The following POT1 variants were observed in gnomAD, a reference collection of about 807,000 sequenced individuals.
POT1 encodes protection of telomeres 1, also known as protection of telomeres protein 1.
In POT1, 47 loss-of-function variants were observed where a neutral mutation model predicts 78.5. That is an observed-to-expected ratio of 0.60 (90% CI 0.47 to 0.76). POT1 has a LOEUF of 0.76. Among genes scored for constraint, POT1 ranks in the 30% least tolerant of loss-of-function variants. The pLI, the probability that POT1 is intolerant of heterozygous loss-of-function variation, is 0.00. For missense variants in POT1, 646 were observed against 749.9 expected, an observed-to-expected ratio of 0.86 and a Z score of 1.62; for synonymous variants, 259 against 260.7, an observed-to-expected ratio of 0.99 and a Z score of 0.06.
At chr7:124,892,967 T>C (rs1796407346) in intron 5 of POT1, among the ~76,000 whole-genome samples, 1 of 151,510 alleles carries the variant, frequency 6.6e-6, no homozygotes, top group Non-Finnish European at 1.5e-5. Flanking sequence ...GAGATATTTT[T>C]AGAAGCCCTG....
At chr7:124,840,890 CTG>C in intron 14 of POT1, 81 bp downstream of exon 14, 1 of 1,120,318 alleles carries the variant, frequency 8.9e-7, no homozygotes, top group Non-Finnish European at 1.3e-6. Flanking sequence ...ACTAGGTTGT[CTG>C]TAAAATGTAT....
intron 2 of POT1, among the ~76,000 whole-genome samples, 145 bp downstream of exon 2, chr7:124,928,664 TGAATAA>T (rs778541102): frequency 3.9e-4 from 60 of 152,340 alleles, no homozygotes; most frequent in African/African-American, 1.4e-3. Context: ...AAATAAGTAC[TGAATAA>T]GAATAACTTA....
At chr7:124,866,402 A>T (rs916534543) in intron 7 of POT1, among the ~76,000 whole-genome samples, 2 of 152,164 alleles carry the variant, frequency 1.3e-5, no homozygotes, top group African/African-American at 4.8e-5. Flanking sequence ...GACTTCCAGC[A>T]CCCCATTACT....
Position 124,863,158 on chromosome 7 carries a change from GGAAA to G in POT1, c.546+188_546+191del, listed in dbSNP as rs942761637. Among the ~76,000 whole-genome samples, 24 of 151,830 alleles carry G rather than the reference GGAAA, an allele frequency of 1.6e-4. 1 individual carries two copies. The highest frequency in any genetic ancestry group is 2.4e-4 in the Non-Finnish European group (16 of 67,886). On this transcript the variant is annotated intron_variant, in intron 8 of 18. Transcript: ENST00000357628. ...CTAATAACACTATATTTCTCTGGAA[GGAAA>G]GTGTAAAATTTTAGAGAGGTACAAG...
intron 2 of POT1, among the ~76,000 whole-genome samples, chr7:124,921,528 C>CAAAT (rs10674906): frequency 0.6 from 90,843 of 151,398 alleles, 27,344 homozygotes; most frequent in African/African-American, 0.65. Flanking sequence ...GTGTAACAAA[C>CAAAT]GTCTATACGA....
Position 124,851,961 on chromosome 7 carries a change from A to G in POT1, c.870-10T>C, listed in dbSNP as rs752113594. ...TGCAGATTCTAAATCCCTATAATTGAAAGAATACAATTTCAAATTGCATAA... is the reference window on the plus strand; with the variant it reads ...TGCAGATTCTAAATCCCTATAATTGGAAGAATACAATTTCAAATTGCATAA... On this transcript the variant is annotated splice_polypyrimidine_tract_variant and intron_variant, in intron 10 of 18. Transcript: ENST00000357628. The G allele has an allele frequency of 6.4e-7, 1 of 1,564,078 alleles. No homozygotes were observed. The highest frequency in any genetic ancestry group is 8.8e-7 in the Non-Finnish European group (1 of 1,136,598).
intron 8 of POT1, among the ~76,000 whole-genome samples, chr7:124,862,226 T>C (rs185647440): frequency 6.6e-6 from 1 of 152,314 alleles, no homozygotes; most frequent in Non-Finnish European, 1.5e-5. Flanking sequence ...TAGACTCAAC[T>C]ATTTCAGCTA....
intron 3 of POT1, among the ~76,000 whole-genome samples, chr7:124,900,128 A>C (rs1335020911): frequency 6.6e-6 from 1 of 152,194 alleles, no homozygotes; most frequent in Non-Finnish European, 1.5e-5. Context: ...TTGAATATAC[A>C]TATAAAAACT....
chr7:124,895,571 T>C (rs1482028116), intron 5 of POT1, among the ~76,000 whole-genome samples: 3 of 151,606 alleles, frequency 2.0e-5, no homozygotes, highest in Non-Finnish European at 4.4e-5. Context: ...CATTCATTCA[T>C]TGATGGGCTA....
chr7:124,846,185 C>CACACACACA (rs1795162290), intron 12 of POT1, among the ~76,000 whole-genome samples: 2 of 48,448 alleles, frequency 4.1e-5, no homozygotes, highest in Non-Finnish European at 9.3e-5. Flanking sequence ...ACACACACAC[C>CACACACACA]CCTATAATAT....
Position 124,870,357 on chromosome 7 carries a change from T to C in POT1, c.255+554A>G, listed in dbSNP as rs1196463104. On this transcript the variant is annotated intron_variant, in intron 7 of 18. Transcript: ENST00000357628. ...TGTGCTATTTAATAACTCTACCCTA[T>C]ATTAAAGGCTTTCTTACATTTAGTT... Among the ~76,000 whole-genome samples the C allele has an allele frequency of 5.3e-5, 8 of 152,102 alleles. No homozygotes were observed. In the South Asian group the frequency reaches 1.5e-3, roughly 28 times the overall value.
At chr7:124,878,232 T>C (rs1796036501) in intron 6 of POT1, among the ~76,000 whole-genome samples, 3 of 151,994 alleles carry the variant, frequency 2.0e-5, no homozygotes, top group South Asian at 4.2e-4. Context: ...TTCAGGAGGC[T>C]GAGGCACAAG....
chr7:124,835,474 C>A lies in POT1; in HGVS notation c.1370-60G>T, dbSNP rs1481183590. The A allele has an allele frequency of 3.3e-6, 5 of 1,537,654 alleles. No homozygotes were observed. The Admixed American group carries it at 5.3e-5, about 16-fold the overall frequency. ...CAAATAAAATGTAGACAAGTACAGT[C>A]CTATTAAATAACGTGTGAGGTATAA... On this transcript the variant is annotated intron_variant, in intron 14 of 18. Transcript: ENST00000357628.
intron 6 of POT1, among the ~76,000 whole-genome samples, chr7:124,892,030 C>A (rs976405493): frequency 1.3e-5 from 2 of 151,520 alleles, no homozygotes; most frequent in African/African-American, 2.4e-5. Context: ...TTTCACGTTG[C>A]TGTTTGGCAT....
intron 6 of POT1, among the ~76,000 whole-genome samples, chr7:124,879,792 T>C (rs998214334): frequency 6.6e-5 from 10 of 152,164 alleles, no homozygotes; most frequent in South Asian, 6.2e-4. Flanking sequence ...CACTTCTCTA[T>C]TTGTACTTCA....
At chr7:124,929,695 T>C (rs1367433621) in intron 1 of POT1, 99 bp downstream of exon 1, 1 of 152,220 alleles carries the variant, frequency 6.6e-6, no homozygotes, top group Non-Finnish European at 1.5e-5. Context: ...TTCTCTGCGA[T>C]AATTACATCA....
intron 12 of POT1, 192 bp from the exon 13 acceptor site, chr7:124,843,155 G>C (rs1012566064): frequency 2.3e-5 from 9 of 394,608 alleles, no homozygotes; most frequent in Non-Finnish European, 4.0e-5. Flanking sequence ...AGGCACAGTA[G>C]GTACTCAACA....
At chr7:124,918,771 A>C (rs939292003) in intron 2 of POT1, among the ~76,000 whole-genome samples, 4 of 152,152 alleles carry the variant, frequency 2.6e-5, no homozygotes, top group Admixed American at 6.6e-5. Context: ...ACGTATTTAC[A>C]TTAAGGAAAT....
At chr7:124,879,614 T>G (rs1378349947) in intron 6 of POT1, among the ~76,000 whole-genome samples, 3 of 152,158 alleles carry the variant, frequency 2.0e-5, no homozygotes, top group African/African-American at 7.2e-5. Flanking sequence ...AGCAGGGGGC[T>G]ACCGTTATTT....
Sources: gnomAD v4.1 joint callset for allele counts (sites outside exome capture counted in the v4.1 genomes callset) on GRCh38, gnomAD v4.1.1 for gene constraint, MANE v1.5 for transcripts, NCBI Gene and HGNC (gene_info 2026-07-23, HGNC 2026-07-21) for gene names.